Variants in LMO7 observed in about 807,000 individuals in gnomAD.
The protein encoded by LMO7 is LIM domain only protein 7.
A neutral mutation model predicts 206.5 loss-of-function variants in LMO7; 120 were observed. The observed-to-expected ratio is 0.58, with a 90% CI of 0.50 to 0.68. LMO7 has a LOEUF of 0.68. Ranked by LOEUF, LMO7 falls within the 30% of genes least tolerant of loss-of-function variation. LMO7 has a pLI of 0.00. For synonymous variants in LMO7, 706 were observed against 681.5 expected (o/e 1.04, Z -0.56); for missense variants, 1,959 against 1,957.9 (o/e 1.00, Z -0.01).
chr13:75,838,190 G>T lies in LMO7; in HGVS notation c.3445G>T (p.Glu1149Ter). The T allele has an allele frequency of 6.2e-7, 1 of 1,606,320 alleles. No homozygotes were observed. The highest frequency in any genetic ancestry group is 1.1e-5 in the South Asian group (1 of 90,744). ...KNLKRRSQFF[E>*]QGSSDSVVPD... ...CTTAAAAAGGCGATCACAATTTTTT[G>T]AACAAGGTAAACCACAAAGCTAACA... is the stretch of plus-strand genomic sequence containing the variant. Residue 1149 changes from glutamate to a stop codon, truncating the protein, a stop_gained, in exon 20 of 31, where the codon GAA (glutamate) becomes TAA (stop). Coordinates refer to ENST00000377534, the MANE Select transcript of LMO7 (RefSeq NM_001306080.2). LOFTEE classifies it high-confidence loss of function.
At chr13:75,669,705 G>T (rs550079466) in intron 1 of LMO7, among the ~76,000 whole-genome samples, 2 of 152,180 alleles carry the variant, frequency 1.3e-5, no homozygotes, top group Admixed American at 1.3e-4. Context: ...AATTCTAGAG[G>T]CTCTGTGGGC....
At chr13:75,794,009 C>T (rs2053645508) in intron 4 of LMO7, among the ~76,000 whole-genome samples, 2 of 152,136 alleles carry the variant, frequency 1.3e-5, no homozygotes, top group African/African-American at 2.4e-5. Context: ...ATTTTCATTG[C>T]CATATGATAT....
At chr13:75,702,670 C>T (rs550776466) in intron 1 of LMO7, among the ~76,000 whole-genome samples, 55 of 152,242 alleles carry the variant, frequency 3.6e-4, no homozygotes, top group African/African-American at 1.3e-3. Flanking sequence ...CCACATATGC[C>T]ATTTTGACTA....
upstream of LMO7, among the ~76,000 whole-genome samples, chr13:75,633,522 AAAG>A (rs2035275115): frequency 6.6e-6 from 1 of 152,232 alleles, no homozygotes; most frequent in South Asian, 2.1e-4. Context: ...GGAAGTACAG[AAAG>A]AAGAGAAATA....
chr13:75,690,987 T>G (rs1177812513), intron 1 of LMO7, among the ~76,000 whole-genome samples: 2 of 152,118 alleles, frequency 1.3e-5, no homozygotes, highest in East Asian at 3.8e-4. Context: ...CATAAAATTT[T>G]TATACATATT....
At position 75,853,179 on chromosome 13, in the gene LMO7, T is replaced by C. The variant is rs369868674; in HGVS notation, c.4452T>C (p.Ala1484=). The C allele has an allele frequency of 6.2e-6, 10 of 1,614,064 alleles. No individual in the cohort carries two copies. In the African/African-American group the frequency reaches 9.3e-5, roughly 15 times the overall value. The part of the protein sequence containing the change: ...PWLNQPTGFY[A]SSSVQDFSRP... ...TCAATCAGCCCACAGGATTCTATGC[T>C]TCTTCCTCTGTGCAAGACTTTAGTC... The change falls in exon 28 of 31, where the codon GCT becomes GCC. Residue 1484 remains alanine, a synonymous_variant. Transcript: ENST00000377534.
intron 2 of LMO7, chr13:75,626,787 T>C (rs1156268813): frequency 1.8e-4 from 27 of 151,518 alleles, no homozygotes; most frequent in African/African-American, 6.6e-4. Flanking sequence ...AGTTTCGCCA[T>C]GTTGCCCAGG....
At chr13:75,681,718 G>GTGTATATA (rs1270207162) in intron 1 of LMO7, among the ~76,000 whole-genome samples, 84 of 104,558 alleles carry the variant, frequency 8.0e-4, no homozygotes, top group African/African-American at 2.3e-3. Context: ...ATATATATAT[G>GTGTATATA]TATATATATA....
intron 1 of LMO7, among the ~76,000 whole-genome samples, chr13:75,710,310 AAGT>A (rs1209766124): frequency 1.3e-5 from 2 of 152,174 alleles, no homozygotes; most frequent in Non-Finnish European, 2.9e-5. Flanking sequence ...ATGAACTTTA[AAGT>A]AGTTTTTTCT....
chr13:75,772,639 C>G (rs561021556), intron 4 of LMO7, among the ~76,000 whole-genome samples: 4 of 152,146 alleles, frequency 2.6e-5, no homozygotes, highest in South Asian at 2.1e-4. Flanking sequence ...AAAATTGTCT[C>G]TATGTCCAAA....
chr13:75,727,283 T>C (rs1283542724), intron 3 of LMO7, among the ~76,000 whole-genome samples, 185 bp downstream of exon 3: 2 of 151,952 alleles, frequency 1.3e-5, no homozygotes, highest in Non-Finnish European at 2.9e-5. Flanking sequence ...CCCTTTTGCC[T>C]GGAGGCTTTT....
Position 75,677,953 on chromosome 13 carries a change from C to A in LMO7, c.70-35229C>A, listed in dbSNP as rs372613109. ...TGATGGTTTCCAGCTTCATCCATGT[C>A]CCTACAAATGACATGAACTCATCAT... On this transcript the variant is annotated intron_variant, in intron 1 of 30. Coordinates refer to ENST00000377534, the MANE Select transcript of LMO7 (RefSeq NM_001306080.2). Among the ~76,000 whole-genome samples the A allele has an allele frequency of 2.1e-4, 32 of 152,138 alleles. No homozygotes were observed. The East Asian group carries it at 5.6e-3, about 27-fold the overall frequency.
intron 26 of LMO7, among the ~76,000 whole-genome samples, chr13:75,846,704 T>C (rs1290966320): frequency 6.6e-6 from 1 of 152,210 alleles, no homozygotes; most frequent in Non-Finnish European, 1.5e-5. Flanking sequence ...TTCCCCCCTT[T>C]ATTAACTCAT....
rs1237079745 is a variant in LMO7 at position 75,855,281 on chromosome 13, A to G, written c.4683A>G (p.Ile1561Met). 5 of 1,613,228 alleles carry G rather than the reference A, an allele frequency of 3.1e-6. No individual in the cohort carries two copies. Among genetic ancestry groups the G allele is most frequent in the East Asian group, 2.2e-5 (1 of 44,880 alleles). ...LRNRSVSGKRICSYCNNILGK... is the reference protein window; with the variant it reads ...LRNRSVSGKRMCSYCNNILGK... ...CTAGGTCAGTCAGTGGGAAGCGCAT[A>G]TGCTCCTACTGCAATAACATTCTGG... Residue 1561 changes from isoleucine to methionine, a missense_variant, in exon 29 of 31, where the codon ATA (isoleucine) becomes ATG (methionine). Physicochemically the swap from Ile to Met is conservative, Grantham distance 10. Transcript: ENST00000377534.
At chr13:75,838,904 T>C (rs1419587590) in intron 20 of LMO7, among the ~76,000 whole-genome samples, 1 of 152,204 alleles carries the variant, frequency 6.6e-6, no homozygotes, top group African/African-American at 2.4e-5. Flanking sequence ...TACTAAGAAC[T>C]TAAAAGTAAT....
intron 1 of LMO7, among the ~76,000 whole-genome samples, chr13:75,661,057 TTAA>T (rs746306368): frequency 6.6e-6 from 1 of 152,246 alleles, no homozygotes; most frequent in Non-Finnish European, 1.5e-5. Context: ...CTAAGAAGTT[TTAA>T]TAATTATCTC....
intron 1 of LMO7, among the ~76,000 whole-genome samples, chr13:75,665,815 C>A (rs2039028242): frequency 6.6e-6 from 1 of 152,200 alleles, no homozygotes; most frequent in African/African-American, 2.4e-5. Context: ...GTGTGAGCCA[C>A]CACGCCTGGC....
intron 1 of LMO7, among the ~76,000 whole-genome samples, chr13:75,682,542 C>T (rs1594253373): frequency 6.6e-6 from 1 of 152,258 alleles, no homozygotes; most frequent in Admixed American, 6.5e-5. Context: ...GCTTTCTTAT[C>T]AGGTTGCCCA....
At chr13:75,784,874 C>G (rs1384221290) in intron 4 of LMO7, among the ~76,000 whole-genome samples, 1 of 152,038 alleles carries the variant, frequency 6.6e-6, no homozygotes, top group East Asian at 1.9e-4. Context: ...ATTTGTTTTA[C>G]AGAAATCTTA....
Sources: allele counts gnomAD v4.1 joint callset (sites outside exome capture counted in the v4.1 genomes callset), GRCh38; gene constraint gnomAD v4.1.1; transcripts MANE v1.5; gene names NCBI Gene and HGNC (gene_info 2026-07-23, HGNC 2026-07-21).